The following SMAD9 variants were observed in gnomAD, a reference collection of about 807,000 sequenced individuals.
SMAD9 encodes the protein MAD homolog 9.
In SMAD9, 36 loss-of-function variants were observed where a neutral mutation model predicts 46.1. The ratio of observed to expected loss-of-function variants is 0.78; its 90% CI spans 0.60 to 1.03. The LOEUF (loss-of-function observed/expected upper bound fraction) is 1.03. SMAD9 is among the 50% of genes least tolerant of loss of function. SMAD9 has a pLI of 0.00. For missense variants in SMAD9, 572 were observed against 599.8 expected, an observed-to-expected ratio of 0.95 and a Z score of 0.48; for synonymous variants, 245 against 237.1, an observed-to-expected ratio of 1.03 and a Z score of -0.31.
intron 1 of SMAD9, among the ~76,000 whole-genome samples, chr13:36,905,240 T>TA (rs2058609476): frequency 6.6e-6 from 1 of 152,198 alleles, no homozygotes; most frequent in South Asian, 2.1e-4. Flanking sequence ...AACCCTCATC[T>TA]AGACTTTAAT....
chr13:36,870,993 C>G (rs1175331769), intron 3 of SMAD9, among the ~76,000 whole-genome samples: 2 of 152,156 alleles, frequency 1.3e-5, no homozygotes, highest in Non-Finnish European at 2.9e-5. Context: ...TCCCCACATA[C>G]AATTTAAAAT....
chr13:36,874,882 C>CAT (rs1169416473), intron 2 of SMAD9, among the ~76,000 whole-genome samples: 150 of 119,454 alleles, frequency 1.3e-3, no homozygotes, highest in East Asian at 9.6e-3. Flanking sequence ...AAAAAAAATA[C>CAT]ATATATATAT....
At chr13:36,879,231 C>G in intron 2 of SMAD9, 47 bp downstream of exon 2, 1 of 1,542,136 alleles carries the variant, frequency 6.5e-7, no homozygotes, top group Non-Finnish European at 9.0e-7. Flanking sequence ...ATGGGGCACA[C>G]GACCTTCACT....
intron 3 of SMAD9, among the ~76,000 whole-genome samples, chr13:36,870,117 T>C (rs1186177378): frequency 2.0e-5 from 3 of 152,206 alleles, no homozygotes; most frequent in Non-Finnish European, 4.4e-5. Flanking sequence ...CTATGCCTTC[T>C]GTGAGAAACT....
chr13:36,911,553 C>T (rs1423641165), intron 1 of SMAD9, among the ~76,000 whole-genome samples: 1 of 132,706 alleles, frequency 7.5e-6, no homozygotes, highest in African/African-American at 2.7e-5. Flanking sequence ...GATGTGTGGG[C>T]AATTTTTAAA....
intron 3 of SMAD9, 67 bp downstream of exon 3, chr13:36,872,591 T>C (rs1264220444): frequency 1.3e-6 from 2 of 1,523,482 alleles, no homozygotes; most frequent in Non-Finnish European, 1.8e-6. Flanking sequence ...ATTGTGACTG[T>C]TCATCATAAA....
intron 1 of SMAD9, among the ~76,000 whole-genome samples, chr13:36,902,832 G>A (rs8000171): frequency 2.0e-5 from 3 of 152,018 alleles, no homozygotes; most frequent in South Asian, 2.1e-4. Flanking sequence ...AGCACAATAC[G>A]GCCTCAATTA....
chr13:36,874,854 CA>C (rs529721275), intron 2 of SMAD9, among the ~76,000 whole-genome samples: 1,786 of 65,780 alleles, frequency 0.027, 3 homozygotes, highest in African/African-American at 0.073. Flanking sequence ...GACTCCGTCC[CA>C]AAAAAAAAAA....
At chr13:36,859,379 C>T (rs1333671187) in intron 5 of SMAD9, among the ~76,000 whole-genome samples, 2 of 152,104 alleles carry the variant, frequency 1.3e-5, no homozygotes, top group African/African-American at 2.4e-5. Flanking sequence ...AGGCTAAGAC[C>T]TACTGGGCTG....
At chr13:36,859,883 C>A (rs1279381904) in intron 5 of SMAD9, among the ~76,000 whole-genome samples, 1 of 151,774 alleles carries the variant, frequency 6.6e-6, no homozygotes, top group Non-Finnish European at 1.5e-5. Flanking sequence ...TCGCTTGAAC[C>A]CGGGAGGCAG....
intron 1 of SMAD9, among the ~76,000 whole-genome samples, chr13:36,916,850 A>C (rs1328244339): frequency 6.6e-6 from 1 of 151,440 alleles, no homozygotes; most frequent in Non-Finnish European, 1.5e-5. Context: ...TGAAGAAGTC[A>C]TATTTGAGGA....
intron 6 of SMAD9, among the ~76,000 whole-genome samples, chr13:36,851,162 G>A (rs1206723274): frequency 6.6e-6 from 1 of 152,182 alleles, no homozygotes; most frequent in Admixed American, 6.5e-5. Flanking sequence ...CCTCCTTACA[G>A]TCACCGCTGA....
intron 5 of SMAD9, among the ~76,000 whole-genome samples, chr13:36,854,355 G>A (rs2058102357): frequency 6.6e-6 from 1 of 151,324 alleles, no homozygotes. Context: ...ATCCTTCATT[G>A]TACATACACA....
chr13:36,872,074 G>A (rs894608895), intron 3 of SMAD9, among the ~76,000 whole-genome samples: 3 of 152,098 alleles, frequency 2.0e-5, no homozygotes, highest in Non-Finnish European at 4.4e-5. Context: ...ATGACAGCAT[G>A]CTAGAGGCTC....
At chr13:36,851,688 C>T in intron 6 of SMAD9, 1 of 942,268 alleles carries the variant, frequency 1.1e-6, no homozygotes, top group Non-Finnish European at 1.3e-6. Context: ...AGATCTGATC[C>T]ATCAGCCCAG....
At chr13:36,910,417 A>T (rs1384345024) in intron 1 of SMAD9, among the ~76,000 whole-genome samples, 2 of 152,074 alleles carry the variant, frequency 1.3e-5, no homozygotes, top group East Asian at 3.9e-4. Context: ...ACTTGTCCAA[A>T]CCCACAGAAT....
At chr13:36,858,977 C>T (rs2058153519) in intron 5 of SMAD9, among the ~76,000 whole-genome samples, 1 of 152,118 alleles carries the variant, frequency 6.6e-6, no homozygotes, top group South Asian at 2.1e-4. Flanking sequence ...TCCCAAAGTG[C>T]TGGGATTACA....
chr13:36,888,569 A>C (rs1213763801), intron 1 of SMAD9, among the ~76,000 whole-genome samples: 1 of 152,202 alleles, frequency 6.6e-6, no homozygotes, highest in African/African-American at 2.4e-5. Flanking sequence ...CTGGATAAAG[A>C]GGCAGAAGAG....
chr13:36,853,557 G>A lies in SMAD9; in HGVS notation c.1122C>T (p.Cys374=). 6.2e-7 allele frequency: 1 copy of A among 1,614,176 alleles called. No homozygotes were observed. Among genetic ancestry groups the A allele is most frequent in the Non-Finnish European group, 8.5e-7 (1 of 1,180,038 alleles). The change falls in exon 6 of 7, where the codon TGC becomes TGT. Residue 374 remains cysteine, a synonymous_variant. Coordinates refer to ENST00000379826, the MANE Select transcript of SMAD9 (RefSeq NM_001127217.3). ...YQHGFHPATV[C]KIPSGCSLKV... ...TGAGGCTGCAGCCGCTGGGGATCTTGCAGACGGTAGCTGGGTGGAAGCCGT... is the reference window on the plus strand; with the variant it reads ...TGAGGCTGCAGCCGCTGGGGATCTTACAGACGGTAGCTGGGTGGAAGCCGT...
Sources: allele counts gnomAD v4.1 joint callset (sites outside exome capture counted in the v4.1 genomes callset), GRCh38; gene constraint gnomAD v4.1.1; transcripts MANE v1.5; gene names NCBI Gene and HGNC (gene_info 2026-07-23, HGNC 2026-07-21).